NOL8: variants seen among roughly 807,000 people sequenced by gnomAD.
NOL8 encodes the protein nucleolar protein 8.
Under a neutral mutation model 116.1 loss-of-function variants are expected in NOL8, and 93 were observed. The observed-to-expected ratio is 0.80, with a 90% CI of 0.68 to 0.95. NOL8 has a LOEUF of 0.95. NOL8 is among the 40% of genes least tolerant of loss of function. The pLI is 0.00. For synonymous variants in NOL8, 419 were observed against 469.0 expected (o/e 0.89, Z 1.38); for missense variants, 1,291 against 1,382.8 (o/e 0.93, Z 1.05).
intron 8 of NOL8, 73 bp downstream of exon 8, chr9:92,311,073 A>C: frequency 1.7e-6 from 2 of 1,208,892 alleles, no homozygotes. Context: ...TTTTATGTTG[A>C]GATTGCCAGT....
At chr9:92,297,984 G>A (rs1045564125) in intron 16 of NOL8, 98 bp from the exon 17 acceptor site, 2 of 1,060,370 alleles carry the variant, frequency 1.9e-6, no homozygotes, top group Admixed American at 5.7e-5. Flanking sequence ...TCAGGGCTGT[G>A]GAAACCTATT....
Position 92,299,960 on chromosome 9 carries a change from G to A in NOL8, c.3232C>T (p.Arg1078Cys), listed in dbSNP as rs375437538. Residue 1078 changes from arginine (R) to cysteine (C), a missense_variant, in exon 14 of 17, where the codon CGT (arginine) becomes TGT (cysteine). Physicochemically the swap from Arg to Cys is radical, Grantham distance 180. Transcript: ENST00000442668. ...TCTTCTGAACTGCTGTCTTGTAAAC[G>A]AGGGTCTTCCTGCCAGACAATCTTT... ...PGKIVWQEDP[R>C]LQDSSSEEED... The A allele has an allele frequency of 1.4e-5, 23 of 1,613,448 alleles. No homozygotes were observed. The African/African-American group carries it at 1.7e-4, about 12-fold the overall frequency.
chr9:92,301,413 A>G, intron 13 of NOL8, 138 bp downstream of exon 13: 3 of 670,988 alleles, frequency 4.5e-6, no homozygotes, highest in Non-Finnish European at 7.1e-6. Context: ...TGCTCCTGTG[A>G]CACTAAATCT....
At chr9:92,319,474 A>G in intron 4 of NOL8, 118 bp from the exon 5 acceptor site, 1 of 983,484 alleles carries the variant, frequency 1.0e-6, no homozygotes, top group East Asian at 3.2e-5. Flanking sequence ...ATTAAAAACC[A>G]AAATAAAACA....
At chr9:92,300,367 T>C (rs909946057) in intron 13 of NOL8, 2 of 993,754 alleles carry the variant, frequency 2.0e-6, no homozygotes, top group Non-Finnish European at 2.4e-6. Context: ...TAAAATATAA[T>C]AGGATACAGG....
chr9:92,317,090 C>A (rs768885415), intron 6 of NOL8, among the ~76,000 whole-genome samples: 73 of 152,232 alleles, frequency 4.8e-4, no homozygotes, highest in Non-Finnish European at 8.1e-4. Context: ...GTGGCAGGGA[C>A]CACAGGCATG....
chr9:92,304,312 A>G (rs966105132), intron 12 of NOL8, among the ~76,000 whole-genome samples: 2 of 152,206 alleles, frequency 1.3e-5, no homozygotes, highest in African/African-American at 4.8e-5. Flanking sequence ...CTTTCATTGA[A>G]CAGTACCTAT....
rs371047693 is a variant in NOL8, at chr9:92,315,978, G to A, written c.647C>T (p.Pro216Leu). 1.2e-6 allele frequency: 2 copies of A among 1,613,870 alleles called. No homozygotes were observed. The highest frequency in any genetic ancestry group is 1.3e-5 in the African/African-American group (1 of 75,004). Residue 216 changes from proline to leucine, a missense_variant, in exon 7 of 17, where the codon CCT becomes CTT. Physicochemically the swap from Pro to Leu is moderately conservative, Grantham distance 98. Transcript: ENST00000442668. ...CTGCACTTTTATTATCTTCTTGGGA[G>A]GGCCATGAAAGTCAGAGAACTCTCC... ...RRGEFSDFHG[P>L]PKKIIKVQKD...
chr9:92,300,789 G>A (rs1393013254), intron 13 of NOL8: 1 of 1,136,180 alleles, frequency 8.8e-7, no homozygotes, highest in Admixed American at 3.4e-5. Context: ...CTGCACTCCA[G>A]CCTGGGTGAC....
intron 6 of NOL8, among the ~76,000 whole-genome samples, chr9:92,317,252 A>G (rs1447350425): frequency 2.0e-5 from 3 of 152,150 alleles, no homozygotes; most frequent in African/African-American, 7.2e-5. Flanking sequence ...GAGCCACTGC[A>G]CCCCACCTTA....
intron 12 of NOL8, among the ~76,000 whole-genome samples, chr9:92,305,112 A>T (rs889104680): frequency 6.6e-6 from 1 of 152,022 alleles, no homozygotes; most frequent in African/African-American, 2.4e-5. Context: ...TTATTTAGAT[A>T]AGGGGTCTTG....
intron 10 of NOL8, 101 bp downstream of exon 10, chr9:92,310,070 G>A (rs1470696449): frequency 6.5e-6 from 5 of 771,652 alleles, no homozygotes; most frequent in Non-Finnish European, 8.6e-6. Flanking sequence ...CAATGTCTTG[G>A]GATGGAGAGT....
chr9:92,298,774 G>T, intron 15 of NOL8, 110 bp downstream of exon 15: 1 of 590,764 alleles, frequency 1.7e-6, no homozygotes, highest in South Asian at 2.9e-5. Context: ...GTGAACAAAT[G>T]GGGTTAAACC....
intron 13 of NOL8, chr9:92,300,625 CT>C: frequency 1.0e-6 from 1 of 1,001,866 alleles, no homozygotes; most frequent in Non-Finnish European, 1.2e-6. Flanking sequence ...ACTATCGTTA[CT>C]ATTTACATCA....
chr9:92,315,672 A>C lies in NOL8; in HGVS notation c.953T>G (p.Leu318Ter). 1 of 1,612,052 alleles carries C rather than the reference A, an allele frequency of 6.2e-7. No homozygotes were observed. The highest frequency in any genetic ancestry group is 8.5e-7 in the Non-Finnish European group (1 of 1,179,008). Reference protein sequence around the residue: ...LRMMIAKEENLQRTTQPSINE... With the variant: ...LRMMIAKEEN ...TATTGAGGGTTGTGTAGTTCTCTGTAAGTTTTCCTCTTTCGCAATCATCAT... is the reference window on the plus strand; with the variant it reads ...TATTGAGGGTTGTGTAGTTCTCTGTCAGTTTTCCTCTTTCGCAATCATCAT... Residue 318 changes from leucine to a stop codon, truncating the protein, a stop_gained, in exon 7 of 17, where the codon TTA becomes TGA. Coordinates refer to ENST00000442668, the MANE Select transcript of NOL8 (RefSeq NM_017948.6). LOFTEE classifies it high-confidence loss of function.
chr9:92,318,033 C>CAAAAAAAAAAAAAAAA (rs745928872), intron 6 of NOL8, among the ~76,000 whole-genome samples: 1 of 34,602 alleles, frequency 2.9e-5, no homozygotes, highest in Non-Finnish European at 5.4e-5. Flanking sequence ...GACTCCATCT[C>CAAAAAAAAAAAAAAAA]AAAAAAAAAA....
rs1840228847 is a variant in NOL8, at chr9:92,324,222, A to G, written c.-48-13T>C. On this transcript the variant is annotated splice_polypyrimidine_tract_variant and intron_variant, in intron 1 of 16. Transcript: ENST00000442668. Reference sequence around the variant, plus strand: ...GAAAAGTAATTTTCTGTATACAGAGAAGAGTTCTTTCCCTTAGTTCTTCTA... The same window carrying G: ...GAAAAGTAATTTTCTGTATACAGAGGAGAGTTCTTTCCCTTAGTTCTTCTA... The G allele has an allele frequency of 6.5e-7, 1 of 1,534,126 alleles. No homozygotes were observed. The highest frequency in any genetic ancestry group is 8.8e-7 in the Non-Finnish European group (1 of 1,133,372).
chr9:92,314,360 A>C lies in NOL8; in HGVS notation c.2265T>G (p.Ala755=). 6.2e-7 allele frequency: 1 copy of C among 1,613,172 alleles called. No individual in the cohort carries two copies. The highest frequency in any genetic ancestry group is 1.7e-5 in the Admixed American group (1 of 60,004). The change falls in exon 7 of 17, where the codon GCT becomes GCG. Residue 755 remains alanine, a synonymous_variant. Transcript: ENST00000442668. ...CTGCCAAACGCTTCTCATTGTCTTC[A>C]GCATGCTTATCTTTAGCACTCACAT... The part of the protein sequence containing the change: ...SSDVSAKDKH[A]EDNEKRLAAL...
chr9:92,310,291 T>A, intron 9 of NOL8, 30 bp from the exon 10 acceptor site: 2 of 1,565,216 alleles, frequency 1.3e-6, no homozygotes, highest in Non-Finnish European at 1.7e-6. Flanking sequence ...ACATAATTGA[T>A]AGCCACATTC....
Sources: allele counts gnomAD v4.1 joint callset (sites outside exome capture counted in the v4.1 genomes callset), GRCh38; gene constraint gnomAD v4.1.1; transcripts MANE v1.5; gene names NCBI Gene and HGNC (gene_info 2026-07-23, HGNC 2026-07-21).